Variants in FRMD5 observed in about 807,000 individuals in gnomAD.
FRMD5 encodes the protein FERM domain-containing protein 5.
FRMD5 carries 20 observed loss-of-function variants against 69.0 expected under a neutral mutation model. That is an observed-to-expected ratio of 0.29 (90% confidence interval 0.20 to 0.42). FRMD5 has a LOEUF of 0.42. Ranked by LOEUF, FRMD5 falls within the 10% of genes least tolerant of loss-of-function variation. The pLI is 1.00. For synonymous variants in FRMD5, 271 were observed against 260.1 expected (o/e 1.04, Z -0.40); for missense variants, 595 against 708.6 (o/e 0.84, Z 1.82).
chr15:44,045,775 T>TGA (rs1566917908), intron 1 of FRMD5, among the ~76,000 whole-genome samples: 1 of 152,168 alleles, frequency 6.6e-6, no homozygotes, highest in Non-Finnish European at 1.5e-5. Context: ...CCATTCTCTT[T>TGA]GATAAGTGAA....
At chr15:44,029,546 G>A (rs975777813) in intron 1 of FRMD5, among the ~76,000 whole-genome samples, 1 of 152,140 alleles carries the variant, frequency 6.6e-6, no homozygotes, top group African/African-American at 2.4e-5. Flanking sequence ...ACATAACAGG[G>A]AACAGTACAG....
At chr15:44,147,042 T>A (rs779315552) in intron 1 of FRMD5, among the ~76,000 whole-genome samples, 10 of 152,228 alleles carry the variant, frequency 6.6e-5, no homozygotes, top group Non-Finnish European at 1.2e-4. Flanking sequence ...CTTTTGATAT[T>A]TTTGTCATGA....
intron 1 of FRMD5, among the ~76,000 whole-genome samples, chr15:43,945,119 A>T (rs1427455487): frequency 1.3e-5 from 2 of 152,012 alleles, no homozygotes; most frequent in Non-Finnish European, 2.9e-5. Context: ...ACCAGATAGG[A>T]CATCTCCTTA....
At chr15:44,004,685 C>G (rs753278867) in intron 1 of FRMD5, among the ~76,000 whole-genome samples, 1 of 152,172 alleles carries the variant, frequency 6.6e-6, no homozygotes. Context: ...CCTCCCTATA[C>G]CCTGAGACAC....
intron 1 of FRMD5, among the ~76,000 whole-genome samples, chr15:43,960,176 C>G (rs1456957652): frequency 1.3e-5 from 2 of 152,216 alleles, no homozygotes; most frequent in Non-Finnish European, 2.9e-5. Context: ...GCAAACTCCG[C>G]CTCTAGGGTT....
chr15:44,008,420 C>G (rs1890558780), intron 1 of FRMD5, among the ~76,000 whole-genome samples: 1 of 151,754 alleles, frequency 6.6e-6, no homozygotes, highest in African/African-American at 2.4e-5. Flanking sequence ...TGAGCCATCA[C>G]ACCTGGCTAT....
chr15:44,179,028 C>G (rs141445015), intron 1 of FRMD5, among the ~76,000 whole-genome samples: 1 of 149,862 alleles, frequency 6.7e-6, no homozygotes, highest in Non-Finnish European at 1.5e-5. Context: ...AAATAAATAC[C>G]CAAGTCTAAT....
At chr15:43,989,105 A>G in intron 1 of FRMD5, 2 of 972,174 alleles carry the variant, frequency 2.1e-6, no homozygotes, top group Non-Finnish European at 3.3e-6. Context: ...GACTCATCAT[A>G]TTCCTGCTTG....
At chr15:43,923,411 C>A (rs942460770) in intron 2 of FRMD5, among the ~76,000 whole-genome samples, 3 of 152,036 alleles carry the variant, frequency 2.0e-5, no homozygotes, top group Non-Finnish European at 4.4e-5. Context: ...GGGGAGATTT[C>A]CCAGAGGAAG....
At chr15:44,015,937 G>T (rs555825925) in intron 1 of FRMD5, among the ~76,000 whole-genome samples, 1 of 152,280 alleles carries the variant, frequency 6.6e-6, no homozygotes, top group East Asian at 1.9e-4. Flanking sequence ...CTAGAGTACA[G>T]AGTAAGGTTC....
intron 1 of FRMD5, among the ~76,000 whole-genome samples, chr15:44,120,572 C>T (rs1303013015): frequency 9.8e-5 from 14 of 142,636 alleles, no homozygotes; most frequent in African/African-American, 2.6e-4. Flanking sequence ...CTCGCTCTGT[C>T]GCCCAGGCTG....
Position 44,191,940 on chromosome 15 carries a change from A to G in FRMD5, c.102+3013T>C, listed in dbSNP as rs897229500. On this transcript the variant is annotated intron_variant, in intron 1 of 13. Coordinates refer to ENST00000417257, the MANE Select transcript of FRMD5 (RefSeq NM_032892.5). ...ATATATATTATATATATATATATAT[A>G]TGTATCTCCATAAATGAAACAGATG... Among the ~76,000 whole-genome samples the G allele has an allele frequency of 2.3e-3, 314 of 134,172 alleles. 1 individual carries two copies. Among genetic ancestry groups the G allele is most frequent in the African/African-American group, 7.8e-3 (283 of 36,092 alleles). The allele number at this position is 134,172 out of a possible 152,430, so 88.0% of individuals were successfully genotyped here. A position where few individuals can be genotyped will look rare whatever the true frequency, so the allele number is the denominator to read the frequency against.
intron 1 of FRMD5, among the ~76,000 whole-genome samples, chr15:44,063,013 G>A (rs1287842440): frequency 6.6e-6 from 1 of 152,016 alleles, no homozygotes; most frequent in Non-Finnish European, 1.5e-5. Flanking sequence ...TTGATTACTG[G>A]TGCTTTAAAC....
intron 1 of FRMD5, among the ~76,000 whole-genome samples, chr15:44,117,332 T>C (rs188514390): frequency 8.5e-5 from 13 of 152,260 alleles, no homozygotes; most frequent in Admixed American, 3.9e-4. Flanking sequence ...CTTGCTCAGT[T>C]TCTGAACTCA....
intron 1 of FRMD5, among the ~76,000 whole-genome samples, chr15:43,978,122 A>G (rs2090493012): frequency 6.6e-6 from 1 of 152,214 alleles, no homozygotes; most frequent in Admixed American, 6.5e-5. Context: ...TTATTCTTGT[A>G]AATAAACCTG....
intron 1 of FRMD5, among the ~76,000 whole-genome samples, chr15:43,965,909 G>C (rs2090287827): frequency 6.6e-6 from 1 of 152,030 alleles, no homozygotes; most frequent in Non-Finnish European, 1.5e-5. Context: ...ATCCAAAGAA[G>C]CACATATGAG....
intron 1 of FRMD5, among the ~76,000 whole-genome samples, chr15:43,965,874 C>T (rs966660454): frequency 3.3e-5 from 5 of 151,936 alleles, no homozygotes; most frequent in Non-Finnish European, 7.4e-5. Context: ...GCCACCGCAC[C>T]CGGCCTAAAA....
At chr15:44,116,720 T>C (rs1266582670) in intron 1 of FRMD5, among the ~76,000 whole-genome samples, 1 of 152,132 alleles carries the variant, frequency 6.6e-6, no homozygotes, top group Admixed American at 6.5e-5. Context: ...ATTCCTCCCT[T>C]GGGCTCAGAA....
intron 1 of FRMD5, among the ~76,000 whole-genome samples, chr15:44,155,146 A>G (rs909647372): frequency 6.6e-5 from 10 of 152,236 alleles, no homozygotes; most frequent in African/African-American, 2.4e-4. Context: ...TGATAAAAAG[A>G]AAAGCTGGCC....
Sources: allele counts gnomAD v4.1 joint callset (sites outside exome capture counted in the v4.1 genomes callset), GRCh38; gene constraint gnomAD v4.1.1; transcripts MANE v1.5; gene names NCBI Gene and HGNC (gene_info 2026-07-23, HGNC 2026-07-21).